Variants in FAF2 observed in about 807,000 individuals in gnomAD.
FAF2 encodes Fas associated factor family member 2, also known as FAS-associated factor 2.
A neutral mutation model predicts 62.3 loss-of-function variants in FAF2; 9 were observed. The observed-to-expected ratio is 0.14, with a 90% CI of 0.09 to 0.25. The LOEUF (loss-of-function observed/expected upper bound fraction) is 0.25, where lower values mean the gene tolerates loss of function less well. FAF2 is among the 10% of genes least tolerant of loss of function. The pLI is 1.00. For missense variants in FAF2, 368 were observed against 556.2 expected, an observed-to-expected ratio of 0.66 and a Z score of 3.40; for synonymous variants, 202 against 198.0, an observed-to-expected ratio of 1.02 and a Z score of -0.17.
chr5:176,463,261 G>C (rs1032634999), intron 1 of FAF2, among the ~76,000 whole-genome samples: 2 of 151,876 alleles, frequency 1.3e-5, no homozygotes, highest in African/African-American at 4.8e-5. Context: ...GCCAGGCATG[G>C]TGGCAGACTC....
chr5:176,494,260 C>G lies in FAF2; in HGVS notation c.646C>G (p.Pro216Ala), dbSNP rs781769041. The change falls in exon 7 of 11, where the codon CCT (proline) becomes GCT (alanine). Residue 216 changes from proline to alanine, a missense_variant. Pro to Ala is a conservative substitution (Grantham distance 27). Coordinates refer to ENST00000261942, the MANE Select transcript of FAF2 (RefSeq NM_014613.3). The surrounding 1 kb of genome is among the most constrained non-coding windows in gnomAD (Gnocchi z 4.0). Reference sequence around the variant, plus strand: ...CTTCTGGGCATGCTCTACAAACAAACCTGAGGGATACAGGGGTAAGTTATG... The same window carrying G: ...CTTCTGGGCATGCTCTACAAACAAAGCTGAGGGATACAGGGGTAAGTTATG... ...MLFWACSTNK[P>A]EGYRVSQALR... is the part of the protein sequence containing the mutation. 14 of 1,613,280 alleles carry G rather than the reference C, an allele frequency of 8.7e-6. No individual in the cohort carries two copies. Among genetic ancestry groups the G allele is most frequent in the Admixed American group, 5.0e-5 (3 of 60,002 alleles).
chr5:176,482,123 C>G (rs1241794300), intron 2 of FAF2, among the ~76,000 whole-genome samples: 2 of 151,726 alleles, frequency 1.3e-5, no homozygotes, highest in East Asian at 3.9e-4. Context: ...TTTTCATATT[C>G]TTATTGAACA....
At chr5:176,462,854 G>A (rs996376387) in intron 1 of FAF2, among the ~76,000 whole-genome samples, 2 of 152,080 alleles carry the variant, frequency 1.3e-5, no homozygotes, top group African/African-American at 4.8e-5. Flanking sequence ...GTGAGGGATG[G>A]GCAGGGAACA....
In FAF2 at chr5:176,492,225, C is replaced by T. The variant is rs1322222279; in HGVS notation, c.376C>T (p.Arg126Cys). The T allele has an allele frequency of 3.1e-6, 5 of 1,613,984 alleles. No individual in the cohort carries two copies. Among genetic ancestry groups the T allele is most frequent in the Non-Finnish European group, 4.2e-6 (5 of 1,180,000 alleles). Reference sequence around the variant, plus strand: ...TCTTCGTTTTATACGGCCTGACCCTCGCAGCCGGGTCACTGACCCCGTTGG... The same window carrying T: ...TCTTCGTTTTATACGGCCTGACCCTTGCAGCCGGGTCACTGACCCCGTTGG... ...FALRFIRPDP[R>C]SRVTDPVGDI... Residue 126 changes from arginine (R) to cysteine (C), a missense_variant, in exon 5 of 11, where the codon CGC becomes TGC. By Grantham distance (180) the Arg-to-Cys change is radical. This residue lies in a region of FAF2 where 331 missense variants were observed against 441.9 expected (regional missense o/e 0.75). Coordinates refer to ENST00000261942, the MANE Select transcript of FAF2 (RefSeq NM_014613.3).
chr5:176,480,528 C>G (rs112996857), intron 2 of FAF2, among the ~76,000 whole-genome samples: 4 of 152,014 alleles, frequency 2.6e-5, no homozygotes, highest in African/African-American at 9.6e-5. Context: ...TTTTCCTGCC[C>G]TAGCCTCCCA....
chr5:176,483,723 C>T (rs930820543), intron 2 of FAF2, among the ~76,000 whole-genome samples: 5 of 152,128 alleles, frequency 3.3e-5, no homozygotes, highest in African/African-American at 1.2e-4. Flanking sequence ...TTGTTATAGT[C>T]ATGGTTATAG....
In FAF2 at chr5:176,509,354, GGAGAAGACACT is replaced by G. The variant is rs1755739223; in HGVS notation, c.*2411_*2421del. On this transcript the variant is annotated 3_prime_UTR_variant, in exon 11 of 11. Transcript: ENST00000261942. ...TTGGGATTTTGATGAGACCTGCGAG[GGAGAAGACACT>G]GAGAAGCCAGTGATCTGCAAGCATT... The G allele has an allele frequency of 6.6e-6, 1 of 152,152 alleles. No homozygotes were observed. The highest frequency in any genetic ancestry group is 2.4e-5 in the African/African-American group (1 of 41,408). 9.4% of individuals were successfully genotyped at this position (152,152 alleles called of 1,614,324 possible).
intron 3 of FAF2, 92 bp downstream of exon 3, chr5:176,486,581 A>C (rs181633584): frequency 6.9e-6 from 9 of 1,302,372 alleles, no homozygotes; most frequent in Non-Finnish European, 9.6e-6. Context: ...GAGCAAAACA[A>C]ATATTTAGAA....
At chr5:176,449,898 A>G (rs1445279591) in intron 1 of FAF2, among the ~76,000 whole-genome samples, 3 of 152,222 alleles carry the variant, frequency 2.0e-5, no homozygotes, top group Non-Finnish European at 4.4e-5. Flanking sequence ...ATACTGTTCT[A>G]GTCCCTGATT....
chr5:176,479,113 G>C (rs1430938558), intron 1 of FAF2, 75 bp from the exon 2 acceptor site: 65 of 1,134,534 alleles, frequency 5.7e-5, no homozygotes, highest in Non-Finnish European at 8.1e-5. Context: ...TTTCCTAGCA[G>C]TATATGGCGT....
chr5:176,494,038 G>C lies in FAF2; in HGVS notation c.523G>C (p.Val175Leu). 1 of 1,614,014 alleles carries C rather than the reference G, an allele frequency of 6.2e-7. No individual in the cohort carries two copies. Among genetic ancestry groups the C allele is most frequent in the East Asian group, 2.2e-5 (1 of 44,868 alleles). ...DAKRELRFLLVYLHGDDHQDS... is the reference protein window; with the variant it reads ...DAKRELRFLLLYLHGDDHQDS... ...CAAAAGGGAGCTTCGCTTTCTTTTG[G>C]TTTATCTTCATGGAGATGATCACCA... is the stretch of plus-strand genomic sequence containing the variant. Residue 175 changes from valine (V) to leucine (L), a missense_variant, in exon 6 of 11, where the codon GTT becomes CTT. Physicochemically the swap from Val to Leu is conservative, Grantham distance 32. Coordinates refer to ENST00000261942, the MANE Select transcript of FAF2 (RefSeq NM_014613.3). The surrounding 1 kb of genome is among the most constrained non-coding windows in gnomAD (Gnocchi z 4.0).
At chr5:176,485,354 C>G (rs1315765945) in intron 2 of FAF2, among the ~76,000 whole-genome samples, 1 of 152,186 alleles carries the variant, frequency 6.6e-6, no homozygotes, top group African/African-American at 2.4e-5. Flanking sequence ...GTCCAAAGTT[C>G]CCCACCCTAA....
At position 176,507,954 on chromosome 5, in the gene FAF2, G is replaced by C. The variant is rs543447718; in HGVS notation, c.*1004G>C. On this transcript the variant is annotated 3_prime_UTR_variant, in exon 11 of 11. Transcript: ENST00000261942. ...GCCCTGGGCTTTCCTGAATTGCCAA[G>C]CCTGGTGCCTTTCCAAAGGACTAGC... The C allele has an allele frequency of 6.6e-6, 1 of 152,662 alleles. No homozygotes were observed. The highest frequency in any genetic ancestry group is 1.5e-5 in the Non-Finnish European group (1 of 68,084). 9.5% of individuals were successfully genotyped at this position (152,662 alleles called of 1,614,324 possible).
intron 1 of FAF2, among the ~76,000 whole-genome samples, chr5:176,460,268 A>G (rs1011575911): frequency 2.6e-5 from 4 of 152,108 alleles, no homozygotes; most frequent in African/African-American, 9.7e-5. Context: ...TGTTGGGTCA[A>G]TTGATAGTTC....
chr5:176,506,935 C>T lies in FAF2; in HGVS notation c.1323C>T (p.Asp441=). The T allele has an allele frequency of 6.4e-7, 1 of 1,553,286 alleles. No homozygotes were observed. The highest frequency in any genetic ancestry group is 8.7e-7 in the Non-Finnish European group (1 of 1,144,644). Residue 441 remains aspartate, a synonymous_variant, in exon 11 of 11, where the codon GAC becomes GAT. Coordinates refer to ENST00000261942, the MANE Select transcript of FAF2 (RefSeq NM_014613.3). ...LSHTEVLFVQ[D]LTDE ...ACACAGAAGTTCTTTTTGTTCAGGA[C>T]CTAACTGACGAATGACATTTTTTTC...
At chr5:176,468,165 CAAGAA>C (rs903817990) in intron 1 of FAF2, among the ~76,000 whole-genome samples, 3 of 151,962 alleles carry the variant, frequency 2.0e-5, no homozygotes, top group African/African-American at 4.8e-5. Context: ...GAATCTGTCT[CAAGAA>C]AAGAAAAGAA....
At chr5:176,490,846 A>G (rs536469185) in intron 4 of FAF2, among the ~76,000 whole-genome samples, 1 of 152,286 alleles carries the variant, frequency 6.6e-6, no homozygotes, top group South Asian at 2.1e-4. Context: ...AATGAGGAAA[A>G]AAAAATAAAG....
intron 1 of FAF2, among the ~76,000 whole-genome samples, chr5:176,478,182 TAGTG>T (rs1758734898): frequency 2.0e-5 from 3 of 152,104 alleles, no homozygotes. Flanking sequence ...TGAACGGAAA[TAGTG>T]AGAAAATACT....
chr5:176,460,954 A>G (rs1390040208), intron 1 of FAF2, among the ~76,000 whole-genome samples: 1 of 151,576 alleles, frequency 6.6e-6, no homozygotes. Context: ...AGACCCTTTG[A>G]CTCAAAAAAA....
Sources: allele counts gnomAD v4.1 joint callset (sites outside exome capture counted in the v4.1 genomes callset), GRCh38; gene constraint gnomAD v4.1.1; regional missense constraint gnomAD v4.1.1; non-coding constraint Gnocchi (gnomAD v3.1); transcripts MANE v1.5; gene names NCBI Gene and HGNC (gene_info 2026-07-23, HGNC 2026-07-21).